EPB41: variants seen among roughly 807,000 people sequenced by gnomAD.
EPB41 encodes protein 4.1.
A neutral mutation model predicts 108.0 loss-of-function variants in EPB41; 65 were observed. The ratio of observed to expected loss-of-function variants is 0.60; its 90% CI spans 0.49 to 0.74. The LOEUF is 0.74. Ranked by LOEUF, EPB41 falls within the 30% of genes least tolerant of loss-of-function variation. The probability of loss-of-function intolerance (pLI) is 0.00; values close to 1 mark genes in which losing one functional copy is unlikely to be tolerated. For synonymous variants in EPB41, 336 were observed against 358.9 expected, an observed-to-expected ratio of 0.94 and a Z score of 0.72; for missense variants, 875 against 1,037.0, an observed-to-expected ratio of 0.84 and a Z score of 2.15.
Position 28,887,628 on chromosome 1 carries a change from G to A in EPB41, c.-8+418G>A. 4.1e-6 allele frequency: 4 copies of A among 985,298 alleles called. No individual in the cohort carries two copies. Among genetic ancestry groups the A allele is most frequent in the Non-Finnish European group, 4.8e-6 (4 of 829,866 alleles). The allele number at this position is 985,298 out of a possible 1,614,324, so 61.0% of individuals were successfully genotyped here. A position where few individuals can be genotyped will look rare whatever the true frequency, so the allele number is the denominator to read the frequency against. On this transcript the variant is annotated intron_variant, in intron 1 of 16. Transcript: ENST00000347529. This position sits in a 1 kb window ranked among gnomAD's most constrained non-coding sequence, Gnocchi z 4.9. ...TCCTGCCGGGCCCGCAGCAGCGCTG[G>A]AGCGGGCTGGCGGCTAGCAGCGGGA...
At chr1:28,996,768 G>A (rs1572147848) in intron 3 of EPB41, among the ~76,000 whole-genome samples, 1 of 152,176 alleles carries the variant, frequency 6.6e-6, no homozygotes, top group African/African-American at 2.4e-5. Context: ...CTGAAAGTTT[G>A]TTGATCACCA....
At chr1:29,039,500 A>C in intron 11 of EPB41, 74 bp downstream of exon 11, 1 of 1,572,096 alleles carries the variant, frequency 6.4e-7, no homozygotes, top group Non-Finnish European at 8.7e-7. Flanking sequence ...AATTATCTAT[A>C]AGAGAACCGA....
At chr1:29,114,493 A>C (rs1053437149) in intron 19 of EPB41, among the ~76,000 whole-genome samples, 2 of 152,070 alleles carry the variant, frequency 1.3e-5, no homozygotes, top group Admixed American at 6.6e-5. Context: ...AAATACAAAA[A>C]TTAGCCAGAC....
At chr1:28,960,556 G>A (rs1233955024) in intron 1 of EPB41, among the ~76,000 whole-genome samples, 6 of 120,098 alleles carry the variant, frequency 5.0e-5, no homozygotes, top group East Asian at 2.6e-4. Flanking sequence ...GTGAGACCTC[G>A]TCTCTACAAA....
At chr1:28,997,543 G>T (rs2096208313) in intron 4 of EPB41, among the ~76,000 whole-genome samples, 1 of 152,010 alleles carries the variant, frequency 6.6e-6, no homozygotes. Context: ...AGTATATATT[G>T]TATGTTTTTA....
upstream of EPB41, among the ~76,000 whole-genome samples, chr1:28,912,144 T>A (rs957834832): frequency 6.6e-6 from 1 of 152,226 alleles, no homozygotes. Flanking sequence ...AAAATGAGGA[T>A]GTTCATTAAC....
intron 16 of EPB41, chr1:29,070,406 A>G (rs1195205419): frequency 8.1e-7 from 1 of 1,232,046 alleles, no homozygotes; most frequent in Non-Finnish European, 1.0e-6. Flanking sequence ...AGAGAAAATT[A>G]AAAGGCAAGA....
chr1:28,929,803 G>A lies in EPB41; in HGVS notation c.-8+15035G>A, dbSNP rs370401778. 4.3e-4 allele frequency among the ~76,000 whole-genome samples: 65 copies of A among 150,154 alleles called. 1 individual carries two copies. In the East Asian group the frequency reaches 0.012, roughly 29 times the overall value. ...CCCGCCTTGGCCTCCCAAAGTGCTG[G>A]GATTACAGGCGTGAGCCACCGCGCC... On this transcript the variant is annotated intron_variant, in intron 1 of 20. Coordinates refer to ENST00000343067, the MANE Select transcript of EPB41 (RefSeq NM_001376013.1).
At chr1:28,929,553 C>T (rs529327005) in intron 1 of EPB41, among the ~76,000 whole-genome samples, 4 of 139,682 alleles carry the variant, frequency 2.9e-5, no homozygotes, top group South Asian at 2.3e-4. Context: ...TTTTTTGAGA[C>T]GGAGTTTCAC....
In EPB41 at chr1:29,112,451, G is replaced by A. The variant is rs766997026; in HGVS notation, c.2496+3G>A. The A allele has an allele frequency of 6.2e-7, 1 of 1,613,232 alleles. No individual in the cohort carries two copies. Among genetic ancestry groups the A allele is most frequent in the South Asian group, 1.1e-5 (1 of 91,042 alleles). ...ATGCTGATATTGACCATGATCAGGT[G>A]GGAATGTTGAAGAGATCTGGGCCTG... On this transcript the variant is annotated splice_donor_region_variant and intron_variant, in intron 19 of 20. Transcript: ENST00000343067.
At chr1:28,977,348 A>T (rs1275852449) in intron 1 of EPB41, among the ~76,000 whole-genome samples, 2 of 152,064 alleles carry the variant, frequency 1.3e-5, no homozygotes, top group Non-Finnish European at 2.9e-5. Context: ...GTAAAAAAAA[A>T]TGAAAGATAA....
chr1:28,927,311 T>C (rs1377712734), intron 1 of EPB41, among the ~76,000 whole-genome samples: 2 of 152,218 alleles, frequency 1.3e-5, no homozygotes, highest in African/African-American at 4.8e-5. Context: ...TGTGTTCCTC[T>C]TTTTGATTGA....
intron 1 of EPB41, among the ~76,000 whole-genome samples, chr1:28,901,122 G>C (rs1310999916): frequency 6.6e-6 from 1 of 152,094 alleles, no homozygotes; most frequent in East Asian, 1.9e-4. Context: ...GTAGAGATGG[G>C]GTTTCACTGT....
intron 16 of EPB41, among the ~76,000 whole-genome samples, chr1:29,081,010 T>C (rs1019318116): frequency 2.6e-5 from 4 of 152,178 alleles, no homozygotes; most frequent in African/African-American, 7.2e-5. Flanking sequence ...AATGAACCTC[T>C]GTTTTCAGCC....
chr1:29,051,047 T>A (rs2150705440), intron 11 of EPB41, among the ~76,000 whole-genome samples: 1 of 150,906 alleles, frequency 6.6e-6, no homozygotes, highest in South Asian at 2.1e-4. Flanking sequence ...TCATTGGAAA[T>A]TATGACAGAG....
intron 19 of EPB41, 139 bp downstream of exon 19, chr1:29,112,587 A>G: frequency 1.4e-6 from 1 of 722,200 alleles, no homozygotes; most frequent in Non-Finnish European, 2.5e-6. Context: ...AAAGACAAAG[A>G]CAATCAAAGT....
rs141847075 is a variant in EPB41, at chr1:29,017,431, G to A, written c.906-793G>A. On this transcript the variant is annotated intron_variant, in intron 6 of 20. Transcript: ENST00000343067. ...CGTGGTAAGGAAGTCAGGGCCATAG[G>A]TGTGAACGTTACACTGATGGAGAGA... 3.8e-3 allele frequency among the ~76,000 whole-genome samples: 582 copies of A among 152,290 alleles called. 6 individuals are homozygous for A. The highest frequency in any genetic ancestry group is 0.013 in the African/African-American group (538 of 41,556).
intron 6 of EPB41, among the ~76,000 whole-genome samples, chr1:29,017,956 G>A (rs920661557): frequency 7.2e-5 from 11 of 152,084 alleles, no homozygotes; most frequent in African/African-American, 2.7e-4. Context: ...CTTTCTAAAT[G>A]TGTCCAATAT....
intron 1 of EPB41, among the ~76,000 whole-genome samples, chr1:28,906,528 G>A (rs749892793): frequency 3.3e-5 from 5 of 152,176 alleles, no homozygotes; most frequent in African/African-American, 4.8e-5. Context: ...AGAGAATAGG[G>A]TTGGAGAGGG....
Sources: gnomAD v4.1 joint callset for allele counts (sites outside exome capture counted in the v4.1 genomes callset) on GRCh38, gnomAD v4.1.1 for gene constraint, Gnocchi (gnomAD v3.1) non-coding constraint, MANE v1.5 for transcripts, NCBI Gene and HGNC (gene_info 2026-07-23, HGNC 2026-07-21) for gene names.